GPC3: variants seen among roughly 807,000 people sequenced by gnomAD.
GPC3 encodes the protein glypican 3.
GPC3 carries 3 observed loss-of-function variants against 34.4 expected under a neutral mutation model. The observed-to-expected ratio is 0.09, with a 90% CI of 0.04 to 0.23. GPC3 has a LOEUF of 0.23. Among genes scored for constraint, GPC3 ranks in the 10% least tolerant of loss-of-function variants. The pLI is 1.00. For missense variants in GPC3, 351 were observed against 445.6 expected (o/e 0.79, Z 1.91); for synonymous variants, 177 against 174.0 (o/e 1.02, Z -0.13).
At chrX:133,975,565 C>T (rs1418459808) in intron 1 of GPC3, among the ~76,000 whole-genome samples, 2 of 110,992 alleles carry the variant, frequency 1.8e-5, no homozygotes, top group Non-Finnish European at 3.8e-5. Context: ...CTCAAGAGCC[C>T]TCAGGCCTCC....
chrX:133,604,545 C>T (rs986427934), intron 6 of GPC3, among the ~76,000 whole-genome samples: 1 of 111,306 alleles, frequency 9.0e-6, no homozygotes, highest in African/African-American at 3.3e-5. Context: ...CTTCAGACAG[C>T]TGGTTAGTAC....
intron 5 of GPC3, among the ~76,000 whole-genome samples, chrX:133,691,223 G>A (rs2071058880): frequency 9.0e-6 from 1 of 111,385 alleles, no homozygotes; most frequent in African/African-American, 3.3e-5. Context: ...ACTCGGCTGG[G>A]TGGAGTGGCT....
chrX:133,598,539 T>C (rs917841882), intron 6 of GPC3, among the ~76,000 whole-genome samples: 3 of 111,630 alleles, frequency 2.7e-5, no homozygotes, highest in African/African-American at 9.8e-5. Context: ...TGCTGTGATA[T>C]ATGGTTTTGG....
At chrX:133,571,903 T>G (rs1302106102) in intron 7 of GPC3, among the ~76,000 whole-genome samples, 1 of 112,353 alleles carries the variant, frequency 8.9e-6, no homozygotes, top group African/African-American at 3.2e-5. Flanking sequence ...AATCACATGT[T>G]CTTTTCTGAA....
chrX:133,826,759 A>G (rs1279568762), intron 2 of GPC3, among the ~76,000 whole-genome samples: 1 of 111,928 alleles, frequency 8.9e-6, no homozygotes, highest in African/African-American at 3.2e-5. Context: ...GAAACCTTTG[A>G]AAAACAAAGA....
intron 1 of GPC3, among the ~76,000 whole-genome samples, chrX:133,967,694 T>A (rs1243307507): frequency 8.9e-6 from 1 of 112,269 alleles, no homozygotes; most frequent in Non-Finnish European, 1.9e-5. Context: ...AATGGTGCAA[T>A]CTTGGCTCAC....
rs763203825 is a variant in GPC3, at chrX:133,796,396, A to G, written c.338-42220T>C. On this transcript the variant is annotated intron_variant, in intron 2 of 7. Coordinates refer to ENST00000370818, the MANE Select transcript of GPC3 (RefSeq NM_004484.4). ...ATGACAAATCCCTAAATGTGCCTGA[A>G]GAGAAATGTACTGACAAGTTAGACC... 1.1e-4 allele frequency among the ~76,000 whole-genome samples: 12 copies of G among 112,628 alleles called. No individual in the cohort carries two copies. In the South Asian group the frequency reaches 4.1e-3, roughly 38 times the overall value.
At chrX:133,704,677 G>A (rs1408388078) in intron 3 of GPC3, among the ~76,000 whole-genome samples, 2 of 110,144 alleles carry the variant, frequency 1.8e-5, no homozygotes, top group East Asian at 2.8e-4. Context: ...TCCACATGAC[G>A]GTCTTACGAC....
intron 1 of GPC3, among the ~76,000 whole-genome samples, chrX:133,972,426 C>G (rs991312635): frequency 8.9e-6 from 1 of 112,148 alleles, no homozygotes; most frequent in Non-Finnish European, 1.9e-5. Context: ...CATTAGTTCC[C>G]TATGGGAAGA....
At chrX:133,838,658 G>A (rs1175022729) in intron 2 of GPC3, among the ~76,000 whole-genome samples, 1 of 112,044 alleles carries the variant, frequency 8.9e-6, no homozygotes, top group African/African-American at 3.2e-5. Context: ...TTCTTCAAAT[G>A]TGGATTCAGT....
chrX:133,745,932 T>C (rs183320215), intron 3 of GPC3, among the ~76,000 whole-genome samples: 58 of 112,279 alleles, frequency 5.2e-4, no homozygotes, highest in African/African-American at 1.8e-3. Context: ...AGATGATGTT[T>C]CCCTTTAGAG....
intron 7 of GPC3, among the ~76,000 whole-genome samples, chrX:133,550,283 G>A (rs1436669628): frequency 9.0e-6 from 1 of 110,778 alleles, no homozygotes; most frequent in Non-Finnish European, 1.9e-5. Context: ...CTAAAGTGCT[G>A]GGATTACAGG....
At chrX:133,729,074 G>A (rs1002306950) in intron 3 of GPC3, among the ~76,000 whole-genome samples, 1 of 111,067 alleles carries the variant, frequency 9.0e-6, no homozygotes, top group Non-Finnish European at 1.9e-5. Context: ...ATATGCAGGT[G>A]GCTGGTCCAG....
chrX:133,940,165 T>C (rs2076339501), intron 2 of GPC3, among the ~76,000 whole-genome samples: 1 of 111,430 alleles, frequency 9.0e-6, no homozygotes, highest in Admixed American at 9.6e-5. Context: ...AGTATGTCCC[T>C]ACAGAGAATT....
At chrX:133,602,838 T>A (rs1312962687) in intron 6 of GPC3, among the ~76,000 whole-genome samples, 1 of 110,802 alleles carries the variant, frequency 9.0e-6, no homozygotes, top group Non-Finnish European at 1.9e-5. Context: ...AAAGGAAAAA[T>A]AAAGAATTAA....
chrX:133,858,176 A>G (rs1449297437), intron 2 of GPC3, among the ~76,000 whole-genome samples: 3 of 111,504 alleles, frequency 2.7e-5, no homozygotes, highest in Non-Finnish European at 5.7e-5. Context: ...TATCACTAAT[A>G]TTCCCTACAC....
chrX:133,746,482 A>C (rs1359720519), intron 3 of GPC3, among the ~76,000 whole-genome samples: 1 of 112,329 alleles, frequency 8.9e-6, no homozygotes, highest in Non-Finnish European at 1.9e-5. Context: ...TTTGAAACCT[A>C]CCATAAAGTT....
At chrX:133,641,307 G>A in intron 6 of GPC3, among the ~76,000 whole-genome samples, 1 of 109,317 alleles carries the variant, frequency 9.1e-6, no homozygotes, top group East Asian at 2.9e-4. Flanking sequence ...GAAACCCCGT[G>A]TCTACTAAAA....
intron 2 of GPC3, among the ~76,000 whole-genome samples, chrX:133,907,421 T>C (rs1240735598): frequency 9.0e-6 from 1 of 111,113 alleles, no homozygotes. Flanking sequence ...ATATAAAATC[T>C]TTTAAATGAA....
Sources: allele counts gnomAD v4.1 joint callset (sites outside exome capture counted in the v4.1 genomes callset), GRCh38; gene constraint gnomAD v4.1.1; transcripts MANE v1.5; gene names NCBI Gene and HGNC (gene_info 2026-07-23, HGNC 2026-07-21).